Variants in LUZP1 observed in about 807,000 individuals in gnomAD.
LUZP1 encodes filamin mechanobinding actin cross-linking protein.
A neutral mutation model predicts 71.3 loss-of-function variants in LUZP1; 25 were observed. The ratio of observed to expected loss-of-function variants is 0.35; its 90% confidence interval spans 0.26 to 0.49. LUZP1 has a LOEUF of 0.49. LUZP1 is among the 20% of genes least tolerant of loss of function. The pLI is 0.99. For missense variants in LUZP1, 1,142 were observed against 1,300.8 expected, an observed-to-expected ratio of 0.88 and a Z score of 1.88; for synonymous variants, 481 against 506.4, an observed-to-expected ratio of 0.95 and a Z score of 0.67.
At position 23,092,268 on chromosome 1, in the gene LUZP1, A is replaced by G. The variant is rs1397568089; in HGVS notation, c.1994T>C (p.Ile665Thr). 2 of 1,614,178 alleles carry G rather than the reference A, an allele frequency of 1.2e-6. No individual in the cohort carries two copies. The highest frequency in any genetic ancestry group is 8.5e-7 in the Non-Finnish European group (1 of 1,180,014). Residue 665 changes from isoleucine to threonine, a missense_variant, in exon 4 of 5, where the codon ATA becomes ACA. Coordinates refer to ENST00000302291, the Ensembl canonical transcript of LUZP1. Reference sequence around the variant, plus strand: ...CAACTTGGCAGTAACAAGAGATGCTATGTCCAAGTCATCATCTGAGTCTGG... The same window carrying G: ...CAACTTGGCAGTAACAAGAGATGCTGTGTCCAAGTCATCATCTGAGTCTGG...
chr1:23,092,603 A>C, exon 4 of LUZP1: 1 of 1,614,186 alleles, frequency 6.2e-7, no homozygotes, highest in East Asian at 2.2e-5. Context: ...TTGCAGCCTG[A>C]GTTACTTGAC....
chr1:23,139,916 T>A (rs1427582542), intron 2 of LUZP1, among the ~76,000 whole-genome samples: 1 of 150,248 alleles, frequency 6.7e-6, no homozygotes, highest in Non-Finnish European at 1.5e-5. Context: ...TGCCACTGTA[T>A]ACCAGTCTGG....
At chr1:23,101,114 G>A (rs1017664030) in intron 3 of LUZP1, among the ~76,000 whole-genome samples, 3 of 151,974 alleles carry the variant, frequency 2.0e-5, no homozygotes, top group Non-Finnish European at 4.4e-5. Context: ...CCACAAATAG[G>A]GCAGTACTAT....
chr1:23,136,637 G>A (rs919293908), intron 2 of LUZP1, among the ~76,000 whole-genome samples: 11 of 149,942 alleles, frequency 7.3e-5, no homozygotes, highest in Admixed American at 1.3e-4. Context: ...CGACGGGCAC[G>A]GTGGCTCACG....
chr1:23,170,462 CTTTT>C (rs200073505), intron 1 of LUZP1, among the ~76,000 whole-genome samples: 3 of 127,442 alleles, frequency 2.4e-5, no homozygotes, highest in East Asian at 4.4e-4. Flanking sequence ...CTTTTTCTTT[CTTTT>C]TTTTTTTTTT....
chr1:23,121,063 A>T lies in LUZP1; in HGVS notation c.-225-11936T>A, dbSNP rs539915421. Among the ~76,000 whole-genome samples the T allele has an allele frequency of 4.1e-4, 62 of 152,324 alleles. No individual in the cohort carries two copies. The South Asian group carries it at 6.4e-3, about 16-fold the overall frequency. ...AAATAAGACCAGCCCAGGGAGAAAAATCCCCAAGATTACAAACAACCACAT... is the reference window on the plus strand; with the variant it reads ...AAATAAGACCAGCCCAGGGAGAAAATTCCCCAAGATTACAAACAACCACAT... On this transcript the variant is annotated intron_variant, in intron 2 of 4. Transcript: ENST00000302291.
At chr1:23,134,623 T>A (rs979748438) in intron 2 of LUZP1, among the ~76,000 whole-genome samples, 16 of 151,978 alleles carry the variant, frequency 1.1e-4, no homozygotes, top group Middle Eastern at 3.4e-3. Flanking sequence ...TACAAAAAAA[T>A]TTTTAAAATT....
intron 1 of LUZP1, among the ~76,000 whole-genome samples, chr1:23,171,731 C>T (rs1644554037): frequency 6.6e-6 from 1 of 152,202 alleles, no homozygotes; most frequent in African/African-American, 2.4e-5. Context: ...AACACCACTT[C>T]CTGTGAAAAG....
At chr1:23,088,677 T>C (rs996916818) in exon 5 of LUZP1, 10 of 512,912 alleles carry the variant, frequency 1.9e-5, no homozygotes, top group Middle Eastern at 5.1e-4. Context: ...GACTCGTGCA[T>C]TGGGGAAGGT....
intron 2 of LUZP1, among the ~76,000 whole-genome samples, chr1:23,131,485 T>C (rs1391513087): frequency 6.6e-6 from 1 of 152,158 alleles, no homozygotes; most frequent in African/African-American, 2.4e-5. Context: ...AACTAGTATG[T>C]AAACTCCATG....
intron 1 of LUZP1, among the ~76,000 whole-genome samples, chr1:23,170,942 A>C (rs1362873928): frequency 6.6e-6 from 1 of 151,752 alleles, no homozygotes; most frequent in African/African-American, 2.4e-5. Flanking sequence ...AATACTAAAA[A>C]TTAGCCAGGC....
At chr1:23,092,760 T>C (rs1435512594) in exon 4 of LUZP1, 7 of 1,613,918 alleles carry the variant, frequency 4.3e-6, no homozygotes, top group South Asian at 1.1e-5. Context: ...CACTTTTCCC[T>C]TCAGTCCGCT....
intron 2 of LUZP1, among the ~76,000 whole-genome samples, chr1:23,168,503 G>T (rs1437058417): frequency 7.0e-6 from 1 of 143,702 alleles, no homozygotes; most frequent in Non-Finnish European, 1.5e-5. Flanking sequence ...CCCTCCCGAG[G>T]AAAAATCTCC....
intron 2 of LUZP1, among the ~76,000 whole-genome samples, chr1:23,139,691 G>A (rs1241489266): frequency 6.6e-6 from 1 of 152,122 alleles, no homozygotes; most frequent in Non-Finnish European, 1.5e-5. Context: ...TTCACACCTG[G>A]AATTCCAACA....
At chr1:23,119,251 CTTTTT>C (rs35522356) in intron 2 of LUZP1, among the ~76,000 whole-genome samples, 163 of 70,014 alleles carry the variant, frequency 2.3e-3, no homozygotes, top group African/African-American at 9.0e-3. Context: ...GTGACTAGCT[CTTTTT>C]TTTTTTTTTT....
intron 2 of LUZP1, among the ~76,000 whole-genome samples, chr1:23,109,377 G>T (rs1264701912): frequency 6.6e-6 from 1 of 152,308 alleles, no homozygotes; most frequent in Non-Finnish European, 1.5e-5. Context: ...TATGGTCCTA[G>T]GGTAGAACCC....
chr1:23,089,130 G>A (rs1357435832), intron 4 of LUZP1, 77 bp from the exon 4 acceptor site: 2 of 1,445,012 alleles, frequency 1.4e-6, no homozygotes, highest in Non-Finnish European at 1.9e-6. Context: ...TGCTACCATA[G>A]TGGGTCCTTT....
At chr1:23,134,131 T>C (rs1433982601) in intron 2 of LUZP1, among the ~76,000 whole-genome samples, 2 of 152,100 alleles carry the variant, frequency 1.3e-5, no homozygotes, top group Non-Finnish European at 2.9e-5. Context: ...CCCACAAACC[T>C]GAAAATAGTA....
At chr1:23,142,716 C>T (rs1459591084) in intron 2 of LUZP1, among the ~76,000 whole-genome samples, 43 of 64,720 alleles carry the variant, frequency 6.6e-4, no homozygotes, top group African/African-American at 2.9e-3. Flanking sequence ...CACACACACA[C>T]ACACACACAC....
Sources: allele counts gnomAD v4.1 joint callset (sites outside exome capture counted in the v4.1 genomes callset), GRCh38; gene constraint gnomAD v4.1.1; transcripts MANE v1.5; gene names NCBI Gene and HGNC (gene_info 2026-07-23, HGNC 2026-07-21).